Variants in FMNL2 observed in about 807,000 individuals in gnomAD.
FMNL2 encodes the protein formin-like protein 2.
FMNL2 carries 51 observed loss-of-function variants against 130.2 expected under a neutral mutation model. The observed-to-expected ratio is 0.39, with a 90% CI of 0.31 to 0.49. The LOEUF is 0.49. Among genes scored for constraint, FMNL2 ranks in the 20% least tolerant of loss-of-function variants. The pLI, the probability that FMNL2 is intolerant of heterozygous loss-of-function variation, is 0.85. For synonymous variants in FMNL2, 465 were observed against 467.1 expected, an observed-to-expected ratio of 1.00 and a Z score of 0.06; for missense variants, 977 against 1,316.2, an observed-to-expected ratio of 0.74 and a Z score of 3.99.
At chr2:152,616,947 TA>T in intron 12 of FMNL2, 143 bp from the exon 13 acceptor site, 1 of 654,090 alleles carries the variant, frequency 1.5e-6, no homozygotes, top group Non-Finnish European at 2.7e-6. Context: ...AACCATATTA[TA>T]AACATTACCA....
chr2:152,549,153 A>G (rs955054005), intron 4 of FMNL2, 56 bp downstream of exon 4: 2 of 1,255,458 alleles, frequency 1.6e-6, no homozygotes, highest in African/African-American at 3.0e-5. Context: ...TTTACAAAGT[A>G]ACTGAATCAT....
At chr2:152,477,751 A>G (rs1690236060) in intron 1 of FMNL2, among the ~76,000 whole-genome samples, 1 of 152,196 alleles carries the variant, frequency 6.6e-6, no homozygotes, top group South Asian at 2.1e-4. Context: ...AGGTTGGACA[A>G]TAACGATAGA....
chr2:152,430,854 CAG>C (rs200409225), intron 1 of FMNL2, among the ~76,000 whole-genome samples: 3,377 of 152,014 alleles, frequency 0.022, 117 homozygotes, highest in African/African-American at 0.078. Context: ...GCCTGGGTGA[CAG>C]AGTGAGACTT....
At chr2:152,434,274 C>T (rs1170978541) in intron 1 of FMNL2, among the ~76,000 whole-genome samples, 2 of 152,100 alleles carry the variant, frequency 1.3e-5, no homozygotes, top group South Asian at 2.1e-4. Context: ...TGAATTTCCA[C>T]GTTAGGTCAG....
At chr2:152,470,253 C>G (rs16831161) in intron 1 of FMNL2, among the ~76,000 whole-genome samples, 2,765 of 152,268 alleles carry the variant, frequency 0.018, 79 homozygotes, top group African/African-American at 0.06. Context: ...GGTTCCATTT[C>G]TGCCTTTTCA....
intron 6 of FMNL2, among the ~76,000 whole-genome samples, chr2:152,561,575 C>CT (rs139322536): frequency 3.6e-4 from 50 of 140,274 alleles, no homozygotes; most frequent in Admixed American, 1.6e-3. Context: ...ACTTGTCAAC[C>CT]TTTTTTTTTT....
chr2:152,467,130 C>T (rs1297307745), intron 1 of FMNL2, among the ~76,000 whole-genome samples: 6 of 152,148 alleles, frequency 3.9e-5, no homozygotes, highest in African/African-American at 7.2e-5. Flanking sequence ...GAGTAAGCCC[C>T]GTTTCCTGGG....
rs796954245 is a variant in FMNL2 at position 152,375,877 on chromosome 2, C to CTCTCTATATATATATATA, written c.117+40158_117+40159insCTCTATATATATATATAT. ...TCTCTCTCTCTCTCTCTCTCTCTCT[C>CTCTCTATATATATATATA]TATATATATATATATATATAATTAT... On this transcript the variant is annotated intron_variant, in intron 1 of 25. Coordinates refer to ENST00000288670, the MANE Select transcript of FMNL2 (RefSeq NM_052905.4). Among the ~76,000 whole-genome samples the CTCTCTATATATATATATA allele has an allele frequency of 4.7e-4, 53 of 112,462 alleles. No homozygotes were observed. In the East Asian group the frequency reaches 4.9e-3, roughly 10 times the overall value. 73.8% of individuals were successfully genotyped at this position (112,462 alleles called of 152,430 possible).
rs562958604 is a variant in FMNL2, at chr2:152,467,238, C to CT, written c.118-54699dup. On this transcript the variant is annotated intron_variant, in intron 1 of 25. Coordinates refer to ENST00000288670, the MANE Select transcript of FMNL2 (RefSeq NM_052905.4). ...TTACCATCTACCCCAGCACCTTATTCTTTTTTCTTGGAAGTGCCAACATAT... is the reference window on the plus strand; with the variant it reads ...TTACCATCTACCCCAGCACCTTATTCTTTTTTTCTTGGAAGTGCCAACATAT... Among the ~76,000 whole-genome samples, 3 of 152,218 alleles carry CT rather than the reference C, an allele frequency of 2.0e-5. No individual in the cohort carries two copies. In the East Asian group the frequency reaches 5.8e-4, roughly 29 times the overall value.
At chr2:152,362,322 A>AT (rs1683225449) in intron 1 of FMNL2, among the ~76,000 whole-genome samples, 1 of 152,236 alleles carries the variant, frequency 6.6e-6, no homozygotes, top group East Asian at 1.9e-4. Flanking sequence ...GTGGTGAAAA[A>AT]TAACAAAATG....
chr2:152,410,861 G>A (rs190086735), intron 1 of FMNL2, among the ~76,000 whole-genome samples: 1 of 152,262 alleles, frequency 6.6e-6, no homozygotes, highest in Admixed American at 6.5e-5. Context: ...GTGGCCTTAC[G>A]GTAGCTTGCT....
rs893396071 is a variant in FMNL2, at chr2:152,649,576, T to C, written c.*1671T>C. The C allele has an allele frequency of 6.6e-6, 1 of 152,622 alleles. No individual in the cohort carries two copies. Among genetic ancestry groups the C allele is most frequent in the African/African-American group, 2.4e-5 (1 of 41,446 alleles). 9.5% of individuals were successfully genotyped at this position (152,622 alleles called of 1,614,324 possible). A position where few individuals can be genotyped will look rare whatever the true frequency, so the allele number is the denominator to read the frequency against. On this transcript the variant is annotated 3_prime_UTR_variant, in exon 26 of 26. Coordinates refer to ENST00000288670, the MANE Select transcript of FMNL2 (RefSeq NM_052905.4). ...ACTCAACATTCACTTCGATTAAAAA[T>C]AGCAATTTGACCAAGTTGGACTTCC...
At chr2:152,402,033 G>A (rs1434101681) in intron 1 of FMNL2, among the ~76,000 whole-genome samples, 1 of 149,448 alleles carries the variant, frequency 6.7e-6, no homozygotes, top group East Asian at 2.0e-4. Flanking sequence ...TCAGCCTCCT[G>A]AGTAGCTGGG....
rs112276200 is a variant in FMNL2, at chr2:152,501,205, T to A, written c.118-20738T>A. On this transcript the variant is annotated intron_variant, in intron 1 of 25. Coordinates refer to ENST00000288670, the MANE Select transcript of FMNL2 (RefSeq NM_052905.4). Reference sequence around the variant, plus strand: ...ATAGAGTCCTCAACCTAATATGCTTTCCTTAAAGCTAAATGTATTTAAGGA... The same window carrying A: ...ATAGAGTCCTCAACCTAATATGCTTACCTTAAAGCTAAATGTATTTAAGGA... Among the ~76,000 whole-genome samples, 975 of 152,364 alleles carry A rather than the reference T, an allele frequency of 6.4e-3. 8 individuals are homozygous for A. Among genetic ancestry groups the A allele is most frequent in the African/African-American group, 0.022 (923 of 41,590 alleles).
At chr2:152,611,751 A>G (rs1698695834) in intron 11 of FMNL2, 146 bp downstream of exon 11, 1 of 528,826 alleles carries the variant, frequency 1.9e-6, no homozygotes, top group African/African-American at 1.9e-5. Context: ...AACTGAGCTG[A>G]GTGATGTACT....
At chr2:152,479,319 G>GT (rs1308213509) in intron 1 of FMNL2, among the ~76,000 whole-genome samples, 1 of 152,084 alleles carries the variant, frequency 6.6e-6, no homozygotes, top group Admixed American at 6.5e-5. Context: ...TTAAAAACAA[G>GT]TTTTTAGGAG....
intron 15 of FMNL2, chr2:152,620,933 G>T (rs1244695033): frequency 1.0e-6 from 1 of 985,296 alleles, no homozygotes; most frequent in Non-Finnish European, 1.2e-6. Flanking sequence ...TACCCTTCAA[G>T]ATCTTCCCCG....
chr2:152,540,696 TG>T (rs774941348), intron 2 of FMNL2, among the ~76,000 whole-genome samples: 1 of 54,886 alleles, frequency 1.8e-5, no homozygotes, highest in Non-Finnish European at 3.4e-5. Flanking sequence ...TGTGGTGGGG[TG>T]GGGGGAGGGG....
chr2:152,430,948 C>G (rs1485388334), intron 1 of FMNL2, among the ~76,000 whole-genome samples: 5 of 150,566 alleles, frequency 3.3e-5, no homozygotes, highest in Non-Finnish European at 7.4e-5. Flanking sequence ...TTTATTTTTG[C>G]TGATTGATGT....
Sources: allele counts gnomAD v4.1 joint callset (sites outside exome capture counted in the v4.1 genomes callset), GRCh38; gene constraint gnomAD v4.1.1; transcripts MANE v1.5; gene names NCBI Gene and HGNC (gene_info 2026-07-23, HGNC 2026-07-21).